BTBD8: variants seen among roughly 807,000 people sequenced by gnomAD.
BTBD8 encodes BTB domain containing 8.
A neutral mutation model predicts 162.9 loss-of-function variants in BTBD8; 110 were observed. The observed-to-expected ratio is 0.68, with a 90% CI of 0.58 to 0.79. BTBD8 has a LOEUF of 0.79. Ranked by LOEUF, BTBD8 falls within the 30% of genes least tolerant of loss-of-function variation. The pLI, the probability that BTBD8 is intolerant of heterozygous loss-of-function variation, is 0.00. For missense variants in BTBD8, 1,905 were observed against 2,085.4 expected (o/e 0.91, Z 1.68); for synonymous variants, 667 against 716.1 (o/e 0.93, Z 1.10).
chr1:92,087,170 C>T (rs1648184283), intron 1 of BTBD8, among the ~76,000 whole-genome samples: 2 of 152,110 alleles, frequency 1.3e-5, no homozygotes, highest in South Asian at 2.1e-4. Context: ...TGTATTTTCA[C>T]ATTAACAATT....
rs754139488 is a variant in BTBD8, at chr1:92,139,347, C to T, written c.753-3C>T. 35 of 1,555,170 alleles carry T rather than the reference C, an allele frequency of 2.3e-5. No individual in the cohort carries two copies. The highest frequency in any genetic ancestry group is 2.5e-5 in the Non-Finnish European group (29 of 1,162,324). On this transcript the variant is annotated splice_polypyrimidine_tract_variant and splice_region_variant and intron_variant, in intron 5 of 17. Transcript: ENST00000636805. ...TGGATTTGAGTTTTCTTTTATTTTTCAGTATAAGCCATGTAGAACTGAATG... is the reference window on the plus strand; with the variant it reads ...TGGATTTGAGTTTTCTTTTATTTTTTAGTATAAGCCATGTAGAACTGAATG...
In BTBD8 at chr1:92,088,831, T is replaced by C. The variant is rs777523285; in HGVS notation, c.283T>C (p.Leu95=). The change falls in exon 2 of 18, where the codon TTA becomes CTA. Residue 95 remains leucine (L), a synonymous_variant. Coordinates refer to ENST00000636805, the MANE Select transcript of BTBD8 (RefSeq NM_001376131.1). ...TACTATTGGACAGACATCAAATAGT[T>C]TAACAAATCAGGAGCCTATTGCTGT... is the stretch of plus-strand genomic sequence containing the variant. The part of the protein sequence containing the change: ...FHTIGQTSNS[L]TNQEPIAVEN... 4 of 1,613,260 alleles carry C rather than the reference T, an allele frequency of 2.5e-6. No homozygotes were observed. The South Asian group carries it at 4.4e-5, about 18-fold the overall frequency.
chr1:92,172,073 A>C (rs1407097214), intron 13 of BTBD8, among the ~76,000 whole-genome samples: 1 of 152,176 alleles, frequency 6.6e-6, no homozygotes, highest in Non-Finnish European at 1.5e-5. Flanking sequence ...CCTGGGTGAC[A>C]AGAGCGAAAC....
chr1:92,133,874 G>A (rs913961710), intron 5 of BTBD8, among the ~76,000 whole-genome samples: 5 of 151,986 alleles, frequency 3.3e-5, no homozygotes, highest in African/African-American at 1.2e-4. Context: ...GGAGGCTGAG[G>A]CAGCAGAATG....
At chr1:92,172,634 A>G (rs1202026625) in intron 13 of BTBD8, among the ~76,000 whole-genome samples, 1 of 152,258 alleles carries the variant, frequency 6.6e-6, no homozygotes, top group South Asian at 2.1e-4. Context: ...ATAGACATAC[A>G]TTGAGAGTTC....
At chr1:92,175,820 A>G (rs1032132984) in intron 13 of BTBD8, among the ~76,000 whole-genome samples, 4 of 151,584 alleles carry the variant, frequency 2.6e-5, no homozygotes, top group Non-Finnish European at 4.4e-5. Flanking sequence ...AAGAAAGAAA[A>G]AAAAGAATGA....
At chr1:92,107,064 G>A (rs1302365407) in intron 3 of BTBD8, among the ~76,000 whole-genome samples, 2 of 152,054 alleles carry the variant, frequency 1.3e-5, no homozygotes, top group Admixed American at 1.3e-4. Context: ...GAGTGACAGA[G>A]CAAGACTCTG....
chr1:92,124,382 G>A (rs866998895), intron 4 of BTBD8, among the ~76,000 whole-genome samples: 1 of 152,206 alleles, frequency 6.6e-6, no homozygotes. Context: ...TCTTCTGCCT[G>A]TCCTCCACCC....
rs76429315 is a variant in BTBD8 at position 92,140,359 on chromosome 1, C to T, written c.834-756C>T. Among the ~76,000 whole-genome samples the T allele has an allele frequency of 8.2e-3, 1,249 of 152,260 alleles. 20 individuals carry two copies. Among genetic ancestry groups the T allele is most frequent in the African/African-American group, 0.028 (1,159 of 41,548 alleles). The stretch of plus-strand genomic sequence containing the variant: ...TACCATCTAAGCCTCTGAAATCCTA[C>T]TTGGGAGTGAAATTTCACCTTGCTC... On this transcript the variant is annotated intron_variant, in intron 6 of 17. Transcript: ENST00000636805.
intron 2 of BTBD8, among the ~76,000 whole-genome samples, chr1:92,098,679 G>T (rs1557439139): frequency 6.6e-6 from 1 of 151,982 alleles, no homozygotes; most frequent in African/African-American, 2.4e-5. Context: ...TTCCATGATA[G>T]GTAATGATCT....
chr1:92,090,943 T>A (rs11166137), intron 2 of BTBD8, among the ~76,000 whole-genome samples: 11,940 of 151,876 alleles, frequency 0.079, 1,339 homozygotes, highest in African/African-American at 0.25. Context: ...AAAAAAAAAA[T>A]TTTTTATTAT....
rs1422892590 is a variant in BTBD8, at chr1:92,181,174, A to G, written c.3491A>G (p.Lys1164Arg). The G allele has an allele frequency of 1.3e-6, 2 of 1,551,698 alleles. No homozygotes were observed. The highest frequency in any genetic ancestry group is 1.7e-6 in the Non-Finnish European group (2 of 1,146,994). Residue 1164 changes from lysine to arginine, a missense_variant, in exon 17 of 18, where the codon AAA becomes AGA. Around this residue, in one of 3 missense-constraint regions of BTBD8, gnomAD observed 1,374 missense variants for 1,442.7 expected, o/e 0.95. Coordinates refer to ENST00000636805, the MANE Select transcript of BTBD8 (RefSeq NM_001376131.1). ...ACCTTAAATTCTGCTCAAGAAGACAAAAAATCGAAAGTTCCTGTGGAAGGA... is the reference window on the plus strand; with the variant it reads ...ACCTTAAATTCTGCTCAAGAAGACAGAAAATCGAAAGTTCCTGTGGAAGGA... ...NGTLNSAQED[K>R]KSKVPVEGLT...
rs145204232 is a variant in BTBD8 at position 92,173,021 on chromosome 1, G to A, written c.1635+1561G>A. Among the ~76,000 whole-genome samples, 859 of 152,260 alleles carry A rather than the reference G, an allele frequency of 5.6e-3. 9 individuals carry two copies. The highest frequency in any genetic ancestry group is 0.02 in the African/African-American group (826 of 41,548). ...GCTCACCACAACCTCCGCCTCCCAG[G>A]TTCAAGCAGTTCTCCTCCCTCAGCC... On this transcript the variant is annotated intron_variant, in intron 13 of 17. Coordinates refer to ENST00000636805, the MANE Select transcript of BTBD8 (RefSeq NM_001376131.1).
chr1:92,115,559 G>T, intron 4 of BTBD8: 2 of 375,858 alleles, frequency 5.3e-6, no homozygotes, highest in East Asian at 6.9e-5. Context: ...TGATTTTGGT[G>T]GGATCTCGCT....
intron 9 of BTBD8, among the ~76,000 whole-genome samples, chr1:92,156,422 A>G (rs1332880194): frequency 6.6e-6 from 1 of 152,142 alleles, no homozygotes; most frequent in Non-Finnish European, 1.5e-5. Context: ...GTGTCAGAGT[A>G]GTGCTGGCCT....
At position 92,178,326 on chromosome 1, in the gene BTBD8, T is replaced by G; in HGVS notation, c.2456T>G (p.Val819Gly). 1 of 1,550,416 alleles carries G rather than the reference T, an allele frequency of 6.4e-7. No individual in the cohort carries two copies. The highest frequency in any genetic ancestry group is 8.7e-7 in the Non-Finnish European group (1 of 1,146,518). The change falls in exon 16 of 18, where the codon GTC (valine) becomes GGC (glycine). Residue 819 changes from valine to glycine, a missense_variant. Coordinates refer to ENST00000636805, the MANE Select transcript of BTBD8 (RefSeq NM_001376131.1). ...TNVNNSVLKKVSGKGCSEPVP... is the reference protein window; with the variant it reads ...TNVNNSVLKKGSGKGCSEPVP... ...ATTTTTTTTAGTGTACTAAAGAAAG[T>G]CAGTGGCAAAGGATGTAGTGAGCCA... is the stretch of plus-strand genomic sequence containing the variant.
intron 11 of BTBD8, 122 bp downstream of exon 11, chr1:92,168,107 T>A: frequency 2.8e-6 from 2 of 717,538 alleles, no homozygotes; most frequent in Non-Finnish European, 4.0e-6. Context: ...AGGGGTGGAT[T>A]AAGGTCTCTA....
Position 92,147,785 on chromosome 1 carries a change from T to C in BTBD8, c.1121T>C (p.Leu374Ser). ...KSCLNMLIQSLNDKNAAFLLM... is the reference protein window; with the variant it reads ...KSCLNMLIQSSNDKNAAFLLM... ...TGTCTTAATATGTTGATTCAGTCCT[T>C]AGTAAGTATAACCTGAATACTCTTT... The change falls in exon 9 of 18, where the codon TTA becomes TCA. Residue 374 changes from leucine (L) to serine (S), a missense_variant and splice_region_variant. Transcript: ENST00000636805. 1 of 1,607,452 alleles carries C rather than the reference T, an allele frequency of 6.2e-7. No homozygotes were observed. Among genetic ancestry groups the C allele is most frequent in the South Asian group, 1.1e-5 (1 of 90,220 alleles).
chr1:92,161,102 A>C (rs947923039), intron 9 of BTBD8, among the ~76,000 whole-genome samples: 1 of 152,162 alleles, frequency 6.6e-6, no homozygotes, highest in Non-Finnish European at 1.5e-5. Flanking sequence ...TATCAGCTTC[A>C]AAGTGTCTGG....
Sources: gnomAD v4.1 joint callset for allele counts (sites outside exome capture counted in the v4.1 genomes callset) on GRCh38, gnomAD v4.1.1 for gene constraint, gnomAD v4.1.1 regional missense constraint, MANE v1.5 for transcripts, NCBI Gene and HGNC (gene_info 2026-07-23, HGNC 2026-07-21) for gene names.